The following CEP112 variants were observed in gnomAD, a reference collection of about 807,000 sequenced individuals.
CEP112 encodes the protein centrosomal protein of 112 kDa.
In CEP112, 127 loss-of-function variants were observed where a neutral mutation model predicts 153.0. That is an observed-to-expected ratio of 0.83 (90% confidence interval 0.72 to 0.96). CEP112 has a LOEUF of 0.96. CEP112 is among the 40% of genes least tolerant of loss of function. The pLI, the probability that CEP112 is intolerant of heterozygous loss-of-function variation, is 0.00. For synonymous variants in CEP112, 358 were observed against 374.4 expected (o/e 0.96, Z 0.51); for missense variants, 1,089 against 1,101.2 (o/e 0.99, Z 0.16).
At chr17:66,046,837 G>A (rs1286960150) in intron 12 of CEP112, among the ~76,000 whole-genome samples, 1 of 152,068 alleles carries the variant, frequency 6.6e-6, no homozygotes, top group African/African-American at 2.4e-5. Context: ...CCATGCTGCA[G>A]CTGTAAGCCA....
chr17:65,977,097 G>A (rs1048116578), intron 17 of CEP112, among the ~76,000 whole-genome samples: 2 of 152,118 alleles, frequency 1.3e-5, no homozygotes, highest in African/African-American at 4.8e-5. Context: ...AAAAACAGCT[G>A]TATATTATAA....
At chr17:66,045,623 A>G (rs1437597205) in intron 12 of CEP112, among the ~76,000 whole-genome samples, 1 of 152,208 alleles carries the variant, frequency 6.6e-6, no homozygotes, top group Non-Finnish European at 1.5e-5. Flanking sequence ...AATACAGAAT[A>G]TGTTAGAGTA....
chr17:65,890,149 AC>A (rs2143131876), intron 20 of CEP112, among the ~76,000 whole-genome samples: 1 of 152,312 alleles, frequency 6.6e-6, no homozygotes, highest in African/African-American at 2.4e-5. Context: ...ACCCTAGTGA[AC>A]CCCACTTGGG....
At chr17:66,037,193 T>C (rs991539451) in intron 12 of CEP112, among the ~76,000 whole-genome samples, 2 of 152,224 alleles carry the variant, frequency 1.3e-5, no homozygotes, top group African/African-American at 4.8e-5. Context: ...CATTATCCAA[T>C]GATTTCTTAA....
In CEP112 at chr17:65,921,518, C is replaced by CTA. The variant is rs769144216; in HGVS notation, c.1980+6063_1980+6064insTA. On this transcript the variant is annotated intron_variant, in intron 19 of 26. Coordinates refer to ENST00000535342, the MANE Select transcript of CEP112 (RefSeq NM_001199165.4). ...AAAATGTACTAGCTCATACTCCTGCCTTCATCTTTCCTTAGTGAACTACCA... is the reference window on the plus strand; with the variant it reads ...AAAATGTACTAGCTCATACTCCTGCCTATTCATCTTTCCTTAGTGAACTACCA... Among the ~76,000 whole-genome samples, 35 of 152,230 alleles carry CTA rather than the reference C, an allele frequency of 2.3e-4. 1 individual carries two copies. In the Middle Eastern group the frequency reaches 0.024, roughly 104 times the overall value.
At chr17:65,857,346 T>C (rs1023722629) in intron 20 of CEP112, among the ~76,000 whole-genome samples, 4 of 152,236 alleles carry the variant, frequency 2.6e-5, no homozygotes, top group African/African-American at 7.2e-5. Context: ...CAATGTGCAT[T>C]CCTTCATTTA....
intron 23 of CEP112, among the ~76,000 whole-genome samples, chr17:65,718,783 T>C (rs1262626539): frequency 6.6e-6 from 1 of 152,172 alleles, no homozygotes; most frequent in Non-Finnish European, 1.5e-5. Flanking sequence ...GGACTGACGA[T>C]TGAGAAGGGA....
At chr17:66,151,085 A>C (rs560437471) in intron 4 of CEP112, among the ~76,000 whole-genome samples, 10 of 152,068 alleles carry the variant, frequency 6.6e-5, no homozygotes, top group African/African-American at 2.4e-4. Flanking sequence ...CTTTGTATTT[A>C]AAGTATGTCT....
At chr17:66,136,310 G>A (rs747296675) in intron 4 of CEP112, among the ~76,000 whole-genome samples, 11 of 152,110 alleles carry the variant, frequency 7.2e-5, no homozygotes, top group Non-Finnish European at 1.5e-4. Context: ...CCTGGGGAAC[G>A]AAAAAGCTGA....
intron 23 of CEP112, among the ~76,000 whole-genome samples, chr17:65,704,449 A>G (rs1244765825): frequency 6.6e-6 from 1 of 151,950 alleles, no homozygotes; most frequent in Admixed American, 6.6e-5. Flanking sequence ...ACACACACAC[A>G]CACACAAACA....
At chr17:65,961,121 A>T (rs1396463464) in intron 18 of CEP112, among the ~76,000 whole-genome samples, 2 of 152,352 alleles carry the variant, frequency 1.3e-5, no homozygotes, top group East Asian at 3.9e-4. Flanking sequence ...CTATTTATAG[A>T]ACATGAAGAA....
At chr17:66,108,988 T>C (rs917105306) in intron 6 of CEP112, among the ~76,000 whole-genome samples, 4 of 152,198 alleles carry the variant, frequency 2.6e-5, no homozygotes, top group Non-Finnish European at 2.9e-5. Context: ...CTGGAGATCA[T>C]TAAGTTCTGC....
intron 18 of CEP112, among the ~76,000 whole-genome samples, chr17:65,953,146 AAATTT>A (rs2061891515): frequency 6.6e-6 from 1 of 152,088 alleles, no homozygotes; most frequent in Non-Finnish European, 1.5e-5. Context: ...ATCTTAACTG[AAATTT>A]AATTTCTAGT....
At chr17:65,819,211 T>C (rs1022904433) in intron 21 of CEP112, among the ~76,000 whole-genome samples, 1 of 152,002 alleles carries the variant, frequency 6.6e-6, no homozygotes, top group Non-Finnish European at 1.5e-5. Flanking sequence ...TGTGTTTTCA[T>C]GAACACTACC....
chr17:65,778,924 C>T (rs975491265), intron 21 of CEP112, among the ~76,000 whole-genome samples: 1 of 152,004 alleles, frequency 6.6e-6, no homozygotes, highest in African/African-American at 2.4e-5. Flanking sequence ...CATTTGAGCC[C>T]AGGAGGTGGA....
chr17:65,914,944 C>T (rs532618486), intron 19 of CEP112, among the ~76,000 whole-genome samples: 4 of 152,258 alleles, frequency 2.6e-5, no homozygotes, highest in African/African-American at 9.6e-5. Context: ...CTAAAGACCT[C>T]GCCATGCAGC....
chr17:66,102,236 G>A (rs1358215329), intron 6 of CEP112, among the ~76,000 whole-genome samples: 2 of 152,084 alleles, frequency 1.3e-5, no homozygotes, highest in Non-Finnish European at 2.9e-5. Flanking sequence ...TTTGAGAGAC[G>A]TTTATGACAA....
At chr17:65,637,971 A>G (rs1293878290) in intron 25 of CEP112, among the ~76,000 whole-genome samples, 2 of 152,224 alleles carry the variant, frequency 1.3e-5, no homozygotes. Context: ...GTCTGGAGTT[A>G]GGCCAACTTT....
At chr17:65,639,734 C>T (rs1357636614) in intron 25 of CEP112, among the ~76,000 whole-genome samples, 3 of 150,086 alleles carry the variant, frequency 2.0e-5, no homozygotes, top group Non-Finnish European at 3.0e-5. Flanking sequence ...AATATGTAAA[C>T]TCTTTCTCAT....
Sources: gnomAD v4.1 joint callset for allele counts (sites outside exome capture counted in the v4.1 genomes callset) on GRCh38, gnomAD v4.1.1 for gene constraint, MANE v1.5 for transcripts, NCBI Gene and HGNC (gene_info 2026-07-23, HGNC 2026-07-21) for gene names.